Variants in LRTM1 observed in about 807,000 individuals in gnomAD.
LRTM1 encodes leucine-rich repeat and transmembrane domain-containing protein 1.
A neutral mutation model predicts 32.4 loss-of-function variants in LRTM1; 38 were observed. The observed-to-expected ratio is 1.17, with a 90% CI of 0.91 to 1.54. The LOEUF is 1.54. LRTM1 is among the 40% of genes most tolerant of loss of function. LRTM1 has a pLI of 0.00. For synonymous variants in LRTM1, 186 were observed against 169.9 expected (o/e 1.09, Z -0.74); for missense variants, 466 against 415.4 (o/e 1.12, Z -1.06).
intron 1 of LRTM1, among the ~76,000 whole-genome samples, chr3:54,944,141 G>A (rs1701549192): frequency 6.6e-6 from 1 of 152,140 alleles, no homozygotes; most frequent in Non-Finnish European, 1.5e-5. Flanking sequence ...GAACAGGATT[G>A]CCCAGCCTCC....
chr3:54,941,606 T>C (rs939748890), intron 1 of LRTM1, among the ~76,000 whole-genome samples: 1 of 152,230 alleles, frequency 6.6e-6, no homozygotes. Flanking sequence ...ATGCCCCATA[T>C]TGTTTTCATT....
intron 1 of LRTM1, among the ~76,000 whole-genome samples, chr3:54,940,791 C>CT (rs148259613): frequency 0.023 from 3,449 of 152,078 alleles, 131 homozygotes; most frequent in African/African-American, 0.076. Context: ...GGGAAGGGGG[C>CT]TTTTTGGTGG....
At chr3:54,943,003 G>A (rs183901177) in intron 1 of LRTM1, among the ~76,000 whole-genome samples, 17 of 151,802 alleles carry the variant, frequency 1.1e-4, no homozygotes, top group African/African-American at 3.9e-4. Context: ...CAGCCTGGGC[G>A]ACAGAGCAAC....
intron 1 of LRTM1, among the ~76,000 whole-genome samples, chr3:54,960,076 CA>C (rs10716957): frequency 0.35 from 28,490 of 81,928 alleles, 5,409 homozygotes; most frequent in African/African-American, 0.61. Context: ...TCTGACAGGA[CA>C]AAAAAAAAAA....
chr3:54,925,287 G>A, intron 1 of LRTM1, 72 bp from the exon 2 acceptor site: 1 of 1,240,838 alleles, frequency 8.1e-7, no homozygotes, highest in Non-Finnish European at 1.1e-6. Flanking sequence ...TTCCGCCTTT[G>A]AATTTACAGG....
upstream of LRTM1, among the ~76,000 whole-genome samples, chr3:54,928,447 C>T (rs552619042): frequency 1.3e-5 from 2 of 152,120 alleles, no homozygotes; most frequent in Non-Finnish European, 2.9e-5. Flanking sequence ...ACCTGGGGGT[C>T]GAGCAGCAGA....
intron 1 of LRTM1, among the ~76,000 whole-genome samples, chr3:54,953,984 G>A (rs1701820727): frequency 6.6e-6 from 1 of 152,174 alleles, no homozygotes; most frequent in Non-Finnish European, 1.5e-5. Flanking sequence ...CAGATTTCAG[G>A]AGTGCCATCC....
chr3:54,925,177 G>A lies in LRTM1; in HGVS notation c.46C>T (p.Gln16Ter). 6.2e-7 allele frequency: 1 copy of A among 1,613,902 alleles called. No homozygotes were observed. The highest frequency in any genetic ancestry group is 2.2e-5 in the East Asian group (1 of 44,858). The change falls in exon 2 of 3, where the codon CAG becomes TAG. Residue 16 changes from glutamine to a stop codon, truncating the protein, a stop_gained. Coordinates refer to ENST00000273286, the MANE Select transcript of LRTM1 (RefSeq NM_020678.4). LOFTEE classifies it high-confidence loss of function. ...TTGTCCGGGCAGCTGCATACCACCT[G>A]GAGCAGGACAATCACACTGGAAAAC... ...LLFSSVIVLL[Q>*]VVCSCPDKCY...
At chr3:54,919,232 A>C (rs1373762003) in intron 2 of LRTM1, among the ~76,000 whole-genome samples, 2 of 152,242 alleles carry the variant, frequency 1.3e-5, no homozygotes, top group Non-Finnish European at 2.9e-5. Flanking sequence ...TGCCCACTGC[A>C]TTCGTGCCAC....
chr3:54,960,830 GT>G (rs112350494), intron 1 of LRTM1, among the ~76,000 whole-genome samples: 1,844 of 152,284 alleles, frequency 0.012, 43 homozygotes, highest in African/African-American at 0.042. Context: ...TAACAGATGA[GT>G]TATGTCCTAA....
At chr3:54,943,002 C>T (rs969636344) in intron 1 of LRTM1, among the ~76,000 whole-genome samples, 5 of 151,562 alleles carry the variant, frequency 3.3e-5, no homozygotes, top group South Asian at 2.1e-4. Context: ...CCAGCCTGGG[C>T]GACAGAGCAA....
intron 1 of LRTM1, among the ~76,000 whole-genome samples, chr3:54,935,766 T>C (rs908124402): frequency 2.0e-5 from 3 of 152,238 alleles, no homozygotes; most frequent in Admixed American, 6.5e-5. Context: ...GCTTACTGTA[T>C]GTATATCATG....
chr3:54,942,170 C>A (rs1171493905), intron 1 of LRTM1, among the ~76,000 whole-genome samples: 1 of 152,240 alleles, frequency 6.6e-6, no homozygotes, highest in South Asian at 2.1e-4. Flanking sequence ...ATTTCTGCAA[C>A]AGGGCAGTGA....
chr3:54,928,228 A>G (rs1701083958), upstream of LRTM1, among the ~76,000 whole-genome samples: 2 of 152,204 alleles, frequency 1.3e-5, no homozygotes, highest in African/African-American at 4.8e-5. Flanking sequence ...TGAGCCGCGT[A>G]AAGAATGTTT....
chr3:54,965,213 G>A (rs1702121759), intron 1 of LRTM1, among the ~76,000 whole-genome samples: 2 of 149,362 alleles, frequency 1.3e-5, no homozygotes, highest in Non-Finnish European at 3.0e-5. Context: ...AAAGAGGCTG[G>A]ATTTCACCAT....
At chr3:54,925,793 A>G (rs908084229) in intron 1 of LRTM1, among the ~76,000 whole-genome samples, 1 of 152,202 alleles carries the variant, frequency 6.6e-6, no homozygotes, top group Non-Finnish European at 1.5e-5. Flanking sequence ...TAACTATTTT[A>G]AACAACAGTA....
At chr3:54,956,526 C>G (rs7627765) in intron 1 of LRTM1, among the ~76,000 whole-genome samples, 2,160 of 152,288 alleles carry the variant, frequency 0.014, 49 homozygotes, top group African/African-American at 0.049. Context: ...AAACTCGTTA[C>G]CAACCTAGGA....
intron 1 of LRTM1, among the ~76,000 whole-genome samples, chr3:54,944,520 A>C (rs545803291): frequency 6.6e-6 from 1 of 152,112 alleles, no homozygotes; most frequent in Non-Finnish European, 1.5e-5. Flanking sequence ...TCCCGGGTTC[A>C]CGCCATTCCC....
intron 2 of LRTM1, among the ~76,000 whole-genome samples, chr3:54,923,755 G>A (rs1303444342): frequency 6.6e-6 from 1 of 152,164 alleles, no homozygotes. Flanking sequence ...CATGCCTTCT[G>A]TTCTCACCTG....
Sources: allele counts gnomAD v4.1 joint callset (sites outside exome capture counted in the v4.1 genomes callset), GRCh38; gene constraint gnomAD v4.1.1; transcripts MANE v1.5; gene names NCBI Gene and HGNC (gene_info 2026-07-23, HGNC 2026-07-21).